TENM3: variants seen among roughly 807,000 people sequenced by gnomAD.
TENM3 encodes teneurin transmembrane protein 3.
Under a neutral mutation model 255.1 loss-of-function variants are expected in TENM3, and 63 were observed. That is an observed-to-expected ratio of 0.25 (90% CI 0.20 to 0.30). The LOEUF is 0.30. Ranked by LOEUF, TENM3 falls within the 10% of genes least tolerant of loss-of-function variation. The pLI, the probability that TENM3 is intolerant of heterozygous loss-of-function variation, is 1.00. For synonymous variants in TENM3, 1,306 were observed against 1,322.3 expected (o/e 0.99, Z 0.27); for missense variants, 2,929 against 3,461.1 (o/e 0.85, Z 3.86).
chr4:182,232,144 G>A (rs1274403770), intron 1 of TENM3, among the ~76,000 whole-genome samples: 2 of 152,130 alleles, frequency 1.3e-5, no homozygotes, highest in African/African-American at 4.8e-5. Flanking sequence ...ATATACAAAT[G>A]TCTATTCCGG....
At chr4:181,480,769 A>T in the TENM3 span, among the ~76,000 whole-genome samples, 1 of 149,602 alleles carries the variant, frequency 6.7e-6, no homozygotes, top group Non-Finnish European at 1.5e-5. Context: ...ATATAGCTAT[A>T]TATAGATATA....
upstream of TENM3, chr4:182,143,427 G>A (rs755598174): frequency 6.0e-6 from 1 of 166,914 alleles, no homozygotes; most frequent in African/African-American, 2.4e-5. The surrounding 1 kb of genome is among the most constrained non-coding windows in gnomAD (Gnocchi z 4.3). Context: ...TGCAAAGGAC[G>A]GGCCGCCTAC....
chr4:182,725,542 A>T (rs967850222), intron 13 of TENM3, among the ~76,000 whole-genome samples: 1 of 151,878 alleles, frequency 6.6e-6, no homozygotes, highest in East Asian at 1.9e-4. Context: ...TACATTTTTC[A>T]TCTTCATGCC....
At chr4:182,552,551 T>C (rs1742157876) in intron 3 of TENM3, among the ~76,000 whole-genome samples, 1 of 152,214 alleles carries the variant, frequency 6.6e-6, no homozygotes, top group African/African-American at 2.4e-5. Flanking sequence ...TTCTGAGAGC[T>C]ACCAAGCTAA....
At chr4:181,476,646 G>A in the TENM3 span, among the ~76,000 whole-genome samples, 1 of 152,268 alleles carries the variant, frequency 6.6e-6, no homozygotes, top group African/African-American at 2.4e-5. Flanking sequence ...AGAGAATTAT[G>A]TGCTAAGCTT....
At chr4:182,005,188 A>G in the TENM3 span, among the ~76,000 whole-genome samples, 32 of 152,094 alleles carry the variant, frequency 2.1e-4, no homozygotes, top group African/African-American at 6.7e-4. Context: ...CTTCTAGGAT[A>G]TTTATGGTTT....
At chr4:182,126,786 A>G in the TENM3 span, among the ~76,000 whole-genome samples, 1 of 152,174 alleles carries the variant, frequency 6.6e-6, no homozygotes, top group Non-Finnish European at 1.5e-5. Context: ...CTGGCTGACT[A>G]TGCCTATGGT....
chr4:182,204,411 G>C (rs1754412919), intron 1 of TENM3, among the ~76,000 whole-genome samples: 1 of 152,116 alleles, frequency 6.6e-6, no homozygotes, highest in Admixed American at 6.5e-5. Context: ...TGTTTTTTTG[G>C]TGGGGAGAGG....
chr4:181,875,421 A>AT, the TENM3 span, among the ~76,000 whole-genome samples: 30,244 of 147,738 alleles, frequency 0.2, 3,672 homozygotes, highest in South Asian at 0.35. Context: ...TTAGGAACCT[A>AT]TTTTTTTTTT....
Position 182,762,866 on chromosome 4 carries a change from G to A in TENM3, c.4892+7607G>A, listed in dbSNP as rs771011581. Among the ~76,000 whole-genome samples the A allele has an allele frequency of 4.5e-4, 69 of 152,086 alleles. 1 individual carries two copies. The highest frequency in any genetic ancestry group is 2.6e-4 in the Admixed American group (4 of 15,268). ...CCCTAACTCCTCACTTAGCTACACC[G>A]CCCTCCCCTACCCCATCATCACCAC... On this transcript the variant is annotated intron_variant, in intron 22 of 27. Coordinates refer to ENST00000511685, the MANE Select transcript of TENM3 (RefSeq NM_001080477.4).
At chr4:182,287,663 G>A (rs1293464005) in intron 1 of TENM3, among the ~76,000 whole-genome samples, 1 of 146,178 alleles carries the variant, frequency 6.8e-6, no homozygotes, top group Non-Finnish European at 1.5e-5. Flanking sequence ...ACCCAGGCTG[G>A]AGTGCAGTGG....
the TENM3 span, among the ~76,000 whole-genome samples, chr4:181,486,333 A>G: frequency 5.9e-5 from 9 of 152,206 alleles, no homozygotes; most frequent in African/African-American, 1.9e-4. Flanking sequence ...GACTTGCCAC[A>G]TTCACATTGT....
At chr4:182,147,428 T>C (rs2149563981) in intron 1 of TENM3, among the ~76,000 whole-genome samples, 1 of 152,354 alleles carries the variant, frequency 6.6e-6, no homozygotes, top group South Asian at 2.1e-4. Context: ...ATATTGGTTA[T>C]TTAAATAAAT....
the TENM3 span, among the ~76,000 whole-genome samples, chr4:181,470,123 A>C: frequency 1.3e-5 from 2 of 149,608 alleles, no homozygotes; most frequent in South Asian, 2.1e-4. Flanking sequence ...AAAAAAAAAA[A>C]AACATTATTC....
chr4:182,631,936 A>G (rs1751409023), intron 5 of TENM3, among the ~76,000 whole-genome samples: 1 of 152,162 alleles, frequency 6.6e-6, no homozygotes, highest in Non-Finnish European at 1.5e-5. Context: ...TCTGAAAGAG[A>G]GGCAAGGAGG....
At chr4:182,665,218 A>G (rs1754564331) in intron 6 of TENM3, among the ~76,000 whole-genome samples, 1 of 152,192 alleles carries the variant, frequency 6.6e-6, no homozygotes, top group African/African-American at 2.4e-5. Flanking sequence ...GCCCTTAAGA[A>G]TTATGCTAAT....
chr4:182,200,452 A>G (rs775372540), intron 1 of TENM3, among the ~76,000 whole-genome samples: 14 of 152,222 alleles, frequency 9.2e-5, no homozygotes, highest in Admixed American at 6.5e-4. Context: ...AGTGCTCTCA[A>G]TTTAACCAGC....
At chr4:181,673,590 G>A in the TENM3 span, among the ~76,000 whole-genome samples, 1 of 152,144 alleles carries the variant, frequency 6.6e-6, no homozygotes, top group Non-Finnish European at 1.5e-5. Flanking sequence ...CAGAGATCAA[G>A]AATCTGATCT....
chr4:182,644,628 A>G (rs538395714), intron 5 of TENM3, among the ~76,000 whole-genome samples: 1 of 152,158 alleles, frequency 6.6e-6, no homozygotes, highest in Non-Finnish European at 1.5e-5. Context: ...AAATTCCTTC[A>G]TAAAATTTTA....
Sources: gnomAD v4.1 joint callset for allele counts (sites outside exome capture counted in the v4.1 genomes callset) on GRCh38, gnomAD v4.1.1 for gene constraint, Gnocchi (gnomAD v3.1) non-coding constraint, MANE v1.5 for transcripts, NCBI Gene and HGNC (gene_info 2026-07-23, HGNC 2026-07-21) for gene names.